Variants in ARL6IP1 observed in about 807,000 individuals in gnomAD.
ARL6IP1 encodes the protein ADP-ribosylation factor-like protein 6-interacting protein 1.
A neutral mutation model predicts 30.1 loss-of-function variants in ARL6IP1; 16 were observed. That is an observed-to-expected ratio of 0.53 (90% CI 0.36 to 0.81). The LOEUF is 0.81. Ranked by LOEUF, ARL6IP1 falls within the 30% of genes least tolerant of loss-of-function variation. The pLI, the probability that ARL6IP1 is intolerant of heterozygous loss-of-function variation, is 0.01. For synonymous variants in ARL6IP1, 72 were observed against 84.8 expected, an observed-to-expected ratio of 0.85 and a Z score of 0.83; for missense variants, 173 against 242.7, an observed-to-expected ratio of 0.71 and a Z score of 1.91.
chr16:18,798,592 G>T, intron 2 of ARL6IP1, 109 bp downstream of exon 2: 1 of 1,194,216 alleles, frequency 8.4e-7, no homozygotes, highest in Non-Finnish European at 1.1e-6. Context: ...GGTTCTTTAT[G>T]GGTTATATAT....
intron 1 of ARL6IP1, chr16:18,801,189 C>A: frequency 7.1e-7 from 1 of 1,406,444 alleles, no homozygotes; most frequent in Non-Finnish European, 9.2e-7. Flanking sequence ...ACTTCCTCCT[C>A]GACTCCTACT....
chr16:18,794,716 C>A (rs2030177605), intron 4 of ARL6IP1, 33 bp from the exon 5 acceptor site: 3 of 1,420,314 alleles, frequency 2.1e-6, no homozygotes, highest in East Asian at 2.3e-5. Context: ...AATATCAAAA[C>A]TTCATGTGAC....
intron 5 of ARL6IP1, 43 bp from the exon 6 acceptor site, chr16:18,793,413 A>C: frequency 8.5e-7 from 1 of 1,173,284 alleles, no homozygotes; most frequent in African/African-American, 1.6e-5. Context: ...GCAGCAATTA[A>C]CCTGCTAAAG....
Position 18,801,456 on chromosome 16 carries a change from C to T in ARL6IP1, c.11G>A (p.Gly4Glu). Reference protein sequence around the residue: MAEGDNRSTNLLAA... With the variant: MAEEDNRSTNLLAA... ...CAGCAGGTTGGTGCTGCGATTATCT[C>T]CCTCCGCCATCGTCTCGGGGATGCA... Residue 4 changes from glycine to glutamate, a missense_variant, in exon 1 of 6, where the codon GGA becomes GAA. Transcript: ENST00000304414. The T allele has an allele frequency of 6.2e-7, 1 of 1,612,988 alleles. No individual in the cohort carries two copies. Among genetic ancestry groups the T allele is most frequent in the Non-Finnish European group, 8.5e-7 (1 of 1,179,748 alleles).
At position 18,797,961 on chromosome 16, in the gene ARL6IP1, G is replaced by A; in HGVS notation, c.254C>T (p.Pro85Leu). The A allele has an allele frequency of 6.2e-7, 1 of 1,613,526 alleles. No individual in the cohort carries two copies. Among genetic ancestry groups the A allele is most frequent in the Non-Finnish European group, 8.5e-7 (1 of 1,179,800 alleles). ...MFLCLADYLV[P>L]ILAPRIFGSN... ...GCCAAAAATTCTAGGCGCTAGAATG[G>A]GAACAAGGTAGTCAGCCAAGCACAA... Residue 85 changes from proline (P) to leucine (L), a missense_variant, in exon 3 of 6, where the codon CCC becomes CTC. Transcript: ENST00000304414.
intron 5 of ARL6IP1, among the ~76,000 whole-genome samples, chr16:18,794,053 G>A (rs2030156383): frequency 6.6e-6 from 1 of 152,146 alleles, no homozygotes; most frequent in Non-Finnish European, 1.5e-5. Context: ...CTGGGTTCAG[G>A]TGATTCTCAT....
intron 1 of ARL6IP1, 30 bp downstream of exon 1, chr16:18,801,401 G>A (rs1479189622): frequency 4.3e-6 from 7 of 1,611,546 alleles, no homozygotes; most frequent in Non-Finnish European, 5.9e-6. Flanking sequence ...GCCTCGCTCG[G>A]CTCCCGGGGG....
chr16:18,795,261 G>T, intron 4 of ARL6IP1: 1 of 430,914 alleles, frequency 2.3e-6, no homozygotes, highest in Non-Finnish European at 4.1e-6. Flanking sequence ...GAAGAATTTT[G>T]TTTTATTAGA....
At chr16:18,794,500 G>A (rs965342072) in intron 5 of ARL6IP1, 99 bp downstream of exon 5, 6 of 763,544 alleles carry the variant, frequency 7.9e-6, no homozygotes, top group Admixed American at 2.3e-5. Flanking sequence ...GTTCCTTTTC[G>A]GTGTCTAAAA....
At position 18,801,369 on chromosome 16, in the gene ARL6IP1, T is replaced by C. The variant is rs1446493507; in HGVS notation, c.36+62A>G. On this transcript the variant is annotated intron_variant, in intron 1 of 5. Transcript: ENST00000304414. ...GGTGACAGGGACGAGGCCGCGGTGT[T>C]TGAGCCCACGGACGTCTGGAGGCCT... is the stretch of plus-strand genomic sequence containing the variant. 5 of 1,600,124 alleles carry C rather than the reference T, an allele frequency of 3.1e-6. No homozygotes were observed. In the East Asian group the frequency reaches 6.8e-5, roughly 22 times the overall value.
At position 18,798,665 on chromosome 16, in the gene ARL6IP1, G is replaced by A. The variant is rs751233931; in HGVS notation, c.170+36C>T. On this transcript the variant is annotated intron_variant, in intron 2 of 5. Transcript: ENST00000304414. ...TATATTAAAAAGTCTTTATTAATAA[G>A]AAGCACAACCCATAGTAATCTAATA... 18 of 1,588,398 alleles carry A rather than the reference G, an allele frequency of 1.1e-5. No individual in the cohort carries two copies. In the Admixed American group the frequency reaches 2.4e-4, roughly 21 times the overall value.
intron 1 of ARL6IP1, chr16:18,801,194 C>G (rs2030397515): frequency 7.1e-7 from 1 of 1,409,278 alleles, no homozygotes; most frequent in Non-Finnish European, 9.2e-7. Context: ...CTCCTCGACT[C>G]CTACTCGCGG....
At chr16:18,795,797 G>A (rs185470570) in intron 3 of ARL6IP1, among the ~76,000 whole-genome samples, 92 of 126,632 alleles carry the variant, frequency 7.3e-4, no homozygotes, top group African/African-American at 3.0e-3. Flanking sequence ...GAGAGAGAGA[G>A]TGTGTGTGTG....
In ARL6IP1 at chr16:18,793,418, C is replaced by G. The variant is rs373481572; in HGVS notation, c.494-48G>C. ...CATTAAGGAGGCAGCAATTAACCTG[C>G]TAAAGGTTATTACTTTTTTTTTTTT... On this transcript the variant is annotated intron_variant, in intron 5 of 5. Transcript: ENST00000304414. 8 of 1,028,976 alleles carry G rather than the reference C, an allele frequency of 7.8e-6. No individual in the cohort carries two copies. In the South Asian group the frequency reaches 1.0e-4, roughly 13 times the overall value. 63.7% of individuals were successfully genotyped at this position (1,028,976 alleles called of 1,614,324 possible). A position where few individuals can be genotyped will look rare whatever the true frequency, so the allele number is the denominator to read the frequency against.
intron 3 of ARL6IP1, among the ~76,000 whole-genome samples, chr16:18,796,186 C>G (rs1022108821): frequency 6.6e-6 from 1 of 152,170 alleles, no homozygotes; most frequent in East Asian, 1.9e-4. Context: ...AGAGACCCTC[C>G]AAGAAAACCT....
chr16:18,799,220 C>T (rs2030334593), intron 1 of ARL6IP1, among the ~76,000 whole-genome samples: 1 of 152,158 alleles, frequency 6.6e-6, no homozygotes, highest in Non-Finnish European at 1.5e-5. Context: ...CCATGTTGGC[C>T]AGGCTGGTCT....
Position 18,793,388 on chromosome 16 carries a change from C to A in ARL6IP1, c.494-18G>T, listed in dbSNP as rs372011897. The A allele has an allele frequency of 7.8e-4, 1,128 of 1,438,302 alleles. No homozygotes were observed. Among genetic ancestry groups the A allele is most frequent in the Middle Eastern group, 1.5e-3 (7 of 4,770 alleles). The allele number at this position is 1,438,302 out of a possible 1,614,324, so 89.1% of individuals were successfully genotyped here. On this transcript the variant is annotated intron_variant, in intron 5 of 5. Transcript: ENST00000304414. ...GGAAGTCACTTAAAATAAAAAAAAA[C>A]CCAACATTAAGGAGGCAGCAATTAA...
At chr16:18,798,493 T>G in intron 2 of ARL6IP1, 1 of 504,292 alleles carries the variant, frequency 2.0e-6, no homozygotes, top group Non-Finnish European at 3.3e-6. Flanking sequence ...TGCGAGTCAC[T>G]GATTTACTCA....
At position 18,793,373 on chromosome 16, in the gene ARL6IP1, T is replaced by TAA. The variant is rs748533319; in HGVS notation, c.494-5_494-4dup. On this transcript the variant is annotated splice_region_variant and splice_polypyrimidine_tract_variant and intron_variant, in intron 5 of 5. Transcript: ENST00000304414. ...AGGAAGCAATAGTAAGGAAGTCACT[T>TAA]AAAATAAAAAAAAACCCAACATTAA... is the stretch of plus-strand genomic sequence containing the variant. The TAA allele has an allele frequency of 6.4e-7, 1 of 1,551,090 alleles. No homozygotes were observed. Among genetic ancestry groups the TAA allele is most frequent in the African/African-American group, 1.4e-5 (1 of 71,730 alleles).
Sources: allele counts gnomAD v4.1 joint callset (sites outside exome capture counted in the v4.1 genomes callset), GRCh38; gene constraint gnomAD v4.1.1; transcripts MANE v1.5; gene names NCBI Gene and HGNC (gene_info 2026-07-23, HGNC 2026-07-21).